Variants in DNM1L observed in about 807,000 individuals in gnomAD.
The protein encoded by DNM1L is dynamin 1L.
In DNM1L, 33 loss-of-function variants were observed where a neutral mutation model predicts 92.8. The observed-to-expected ratio is 0.36, with a 90% CI of 0.27 to 0.48. The LOEUF (loss-of-function observed/expected upper bound fraction) is 0.48. DNM1L is among the 20% of genes least tolerant of loss of function. DNM1L has a pLI of 0.99. For missense variants in DNM1L, 485 were observed against 888.8 expected, an observed-to-expected ratio of 0.55 and a Z score of 5.78; for synonymous variants, 284 against 305.0, an observed-to-expected ratio of 0.93 and a Z score of 0.72.
At chr12:32,694,491 G>A (rs528959596) in intron 1 of DNM1L, among the ~76,000 whole-genome samples, 30 of 152,282 alleles carry the variant, frequency 2.0e-4, no homozygotes, top group African/African-American at 5.1e-4. Context: ...ATGTTGGAGC[G>A]TGCATCGGTA....
chr12:32,694,449 A>T (rs1952356530), intron 1 of DNM1L, among the ~76,000 whole-genome samples: 2 of 152,198 alleles, frequency 1.3e-5, no homozygotes, highest in African/African-American at 2.4e-5. Context: ...GACTAACTTT[A>T]ACTTAGCAGA....
intron 6 of DNM1L, 141 bp downstream of exon 6, chr12:32,713,512 T>C (rs1953220581): frequency 3.0e-6 from 3 of 999,404 alleles, no homozygotes; most frequent in Non-Finnish European, 4.4e-6. Flanking sequence ...TTTTTGTTTA[T>C]AAAAATAGAA....
chr12:32,741,435 A>G (rs1404741122), intron 18 of DNM1L, among the ~76,000 whole-genome samples: 1 of 152,104 alleles, frequency 6.6e-6, no homozygotes, highest in Admixed American at 6.5e-5. Flanking sequence ...ACAGGTGTGC[A>G]CCACCATGCC....
chr12:32,716,655 T>C (rs1026396856), intron 6 of DNM1L, among the ~76,000 whole-genome samples: 4 of 150,764 alleles, frequency 2.7e-5, no homozygotes, highest in African/African-American at 9.7e-5. Flanking sequence ...GCTTACAAAA[T>C]AGCCCTAAGA....
In DNM1L at chr12:32,731,807, A is replaced by AAAAAGAC; in HGVS notation, c.1357-43_1357-42insGACAAAA. The AAAAAGAC allele has an allele frequency of 6.6e-7, 1 of 1,520,018 alleles. No homozygotes were observed. The highest frequency in any genetic ancestry group is 9.1e-7 in the Non-Finnish European group (1 of 1,096,962). The allele number at this position is 1,520,018 out of a possible 1,614,324, so 94.2% of individuals were successfully genotyped here. A position where few individuals can be genotyped will look rare whatever the true frequency, so the allele number is the denominator to read the frequency against. ...TGGCTTAGTGAGACTATGACTTAAA[A>AAAAAGAC]AAAAAACAAAAAACAAACACGTTTT... is the stretch of plus-strand genomic sequence containing the variant. On this transcript the variant is annotated intron_variant, in intron 11 of 19. Transcript: ENST00000549701. This position sits in a 1 kb window ranked among gnomAD's most constrained non-coding sequence, Gnocchi z 5.1.
chr12:32,710,856 C>T (rs1953099242), intron 4 of DNM1L, 73 bp from the exon 5 acceptor site: 1 of 1,210,008 alleles, frequency 8.3e-7, no homozygotes, highest in East Asian at 2.6e-5. Context: ...GCATTAATGT[C>T]TATGTACTTG....
intron 9 of DNM1L, 23 bp from the exon 10 acceptor site, chr12:32,730,991 C>T (rs1416367524): frequency 6.2e-7 from 1 of 1,613,436 alleles, no homozygotes. Flanking sequence ...ATGCCAGAAA[C>T]CATATACTTC....
chr12:32,730,658 C>G (rs1227939405), intron 9 of DNM1L, among the ~76,000 whole-genome samples: 1 of 152,230 alleles, frequency 6.6e-6, no homozygotes, highest in Non-Finnish European at 1.5e-5. Flanking sequence ...TTGCCAACCT[C>G]TACTTCAGAT....
In DNM1L at chr12:32,731,236, C is replaced by T. The variant is rs1470061603; in HGVS notation, c.1200+102C>T. Reference sequence around the variant, plus strand: ...AAATTTAATTATACAGTTTATTTTGCTCTCATATTTGAAATTAAAAAGCAT... The same window carrying T: ...AAATTTAATTATACAGTTTATTTTGTTCTCATATTTGAAATTAAAAAGCAT... On this transcript the variant is annotated intron_variant, in intron 10 of 19. Transcript: ENST00000549701. This position sits in a 1 kb window ranked among gnomAD's most constrained non-coding sequence, Gnocchi z 5.1. 4 of 1,589,134 alleles carry T rather than the reference C, an allele frequency of 2.5e-6. No individual in the cohort carries two copies. The African/African-American group carries it at 5.4e-5, about 22-fold the overall frequency.
At chr12:32,742,831 T>G in intron 19 of DNM1L, 83 bp downstream of exon 19, 1 of 1,512,998 alleles carries the variant, frequency 6.6e-7, no homozygotes, top group Non-Finnish European at 9.2e-7. Context: ...GATTCTTGGA[T>G]ATGTATAGTC....
chr12:32,690,856 A>G, intron 1 of DNM1L, among the ~76,000 whole-genome samples: 1 of 152,208 alleles, frequency 6.6e-6, no homozygotes, highest in East Asian at 1.9e-4. Flanking sequence ...TTCATGTACA[A>G]AATGTCAGAA....
intron 16 of DNM1L, 71 bp downstream of exon 16, chr12:32,738,367 T>G: frequency 6.6e-7 from 1 of 1,521,570 alleles, no homozygotes; most frequent in South Asian, 1.1e-5. Context: ...TATACCACCA[T>G]TAAAGAACCT....
intron 1 of DNM1L, among the ~76,000 whole-genome samples, chr12:32,690,189 T>C (rs1952180907): frequency 6.6e-6 from 1 of 152,180 alleles, no homozygotes; most frequent in Non-Finnish European, 1.5e-5. Flanking sequence ...TAGTAGTGAA[T>C]CTAGATGAGA....
intron 9 of DNM1L, among the ~76,000 whole-genome samples, chr12:32,724,043 C>G (rs1173786950): frequency 1.3e-5 from 2 of 152,148 alleles, no homozygotes; most frequent in Non-Finnish European, 2.9e-5. Flanking sequence ...CAATAGTCCA[C>G]CCTCGCCATC....
At chr12:32,724,621 AAT>A (rs1460347082) in intron 9 of DNM1L, among the ~76,000 whole-genome samples, 57 of 140,966 alleles carry the variant, frequency 4.0e-4, no homozygotes, top group African/African-American at 1.1e-3. Flanking sequence ...TATATATATA[AAT>A]TATATTAATT....
At chr12:32,702,322 CTG>C (rs924306842) in intron 2 of DNM1L, among the ~76,000 whole-genome samples, 5 of 150,428 alleles carry the variant, frequency 3.3e-5, no homozygotes, top group African/African-American at 1.2e-4. Flanking sequence ...TTAGGGAATG[CTG>C]TGTCTATCAG....
At chr12:32,692,962 G>C (rs549573825) in intron 1 of DNM1L, 1 of 152,186 alleles carries the variant, frequency 6.6e-6, no homozygotes, top group African/African-American at 2.4e-5. Context: ...GTTGAAATTT[G>C]TGTGTTCCCC....
At chr12:32,699,066 A>G (rs561077768) in intron 1 of DNM1L, among the ~76,000 whole-genome samples, 244 of 152,210 alleles carry the variant, frequency 1.6e-3, no homozygotes, top group African/African-American at 5.4e-3. Context: ...TTGTGGTTCT[A>G]TAGAAGAACG....
intron 8 of DNM1L, among the ~76,000 whole-genome samples, chr12:32,721,249 C>A (rs1953786594): frequency 6.6e-6 from 1 of 152,126 alleles, no homozygotes; most frequent in Non-Finnish European, 1.5e-5. Flanking sequence ...ATTCTGAATA[C>A]CCACTGATGT....
Sources: allele counts gnomAD v4.1 joint callset (sites outside exome capture counted in the v4.1 genomes callset), GRCh38; gene constraint gnomAD v4.1.1; non-coding constraint Gnocchi (gnomAD v3.1); transcripts MANE v1.5; gene names NCBI Gene and HGNC (gene_info 2026-07-23, HGNC 2026-07-21).